Variants in FNDC3B observed in about 807,000 individuals in gnomAD.
The protein encoded by FNDC3B is fibronectin type III domain containing 3B.
A neutral mutation model predicts 151.5 loss-of-function variants in FNDC3B; 12 were observed. That is an observed-to-expected ratio of 0.08 (90% confidence interval 0.05 to 0.13). The LOEUF is 0.13. Ranked by LOEUF, FNDC3B falls within the 10% of genes least tolerant of loss-of-function variation. The pLI, the probability that FNDC3B is intolerant of heterozygous loss-of-function variation, is 1.00. For missense variants in FNDC3B, 1,214 were observed against 1,505.3 expected, an observed-to-expected ratio of 0.81 and a Z score of 3.20; for synonymous variants, 528 against 549.0, an observed-to-expected ratio of 0.96 and a Z score of 0.54.
chr3:172,363,217 A>T (rs1734449046), intron 23 of FNDC3B, among the ~76,000 whole-genome samples: 1 of 152,184 alleles, frequency 6.6e-6, no homozygotes, highest in African/African-American at 2.4e-5. Context: ...TTACCTCTTT[A>T]AATATTCAGT....
chr3:172,285,445 C>T (rs558342800), intron 6 of FNDC3B, among the ~76,000 whole-genome samples: 4 of 152,294 alleles, frequency 2.6e-5, no homozygotes, highest in Admixed American at 2.0e-4. Context: ...CCAGTGGCTG[C>T]CCGTCGAACG....
intron 1 of FNDC3B, among the ~76,000 whole-genome samples, chr3:172,107,764 A>G (rs924098665): frequency 2.6e-5 from 4 of 152,280 alleles, no homozygotes; most frequent in East Asian, 3.9e-4. Flanking sequence ...AACTGTACTC[A>G]GGGACTCCTC....
At chr3:172,051,858 A>G (rs1010908732) in intron 1 of FNDC3B, among the ~76,000 whole-genome samples, 1 of 152,172 alleles carries the variant, frequency 6.6e-6, no homozygotes, top group African/African-American at 2.4e-5. Flanking sequence ...AGAATACATG[A>G]CTTTTTTCAT....
chr3:172,081,123 C>T (rs565851067), intron 1 of FNDC3B, among the ~76,000 whole-genome samples: 1 of 152,312 alleles, frequency 6.6e-6, no homozygotes, highest in East Asian at 1.9e-4. Context: ...TATCCCAGTA[C>T]TCTCTTCAGG....
At position 172,195,386 on chromosome 3, in the gene FNDC3B, C is replaced by T. The variant is rs376914959; in HGVS notation, c.188-31485C>T. On this transcript the variant is annotated intron_variant, in intron 3 of 25. Transcript: ENST00000415807. ...AACATTTTATTTTAAACAAATGGTA[C>T]ACTATGTAGCATTTTTTAAAATGCA... 2.0e-5 allele frequency among the ~76,000 whole-genome samples: 3 copies of T among 152,282 alleles called. No homozygotes were observed. The East Asian group carries it at 5.8e-4, about 29-fold the overall frequency.
intron 23 of FNDC3B, among the ~76,000 whole-genome samples, chr3:172,365,931 A>G (rs1365266767): frequency 6.6e-6 from 1 of 152,240 alleles, no homozygotes; most frequent in Non-Finnish European, 1.5e-5. Context: ...AATTCATTAA[A>G]TAAAGGGGTT....
chr3:172,333,607 G>A (rs1732800755), intron 14 of FNDC3B, among the ~76,000 whole-genome samples: 1 of 149,462 alleles, frequency 6.7e-6, no homozygotes, highest in South Asian at 2.1e-4. Context: ...GCCTCCCAAA[G>A]TGCTGTGATT....
At chr3:172,376,926 A>T (rs1289792138) in intron 23 of FNDC3B, among the ~76,000 whole-genome samples, 1 of 152,100 alleles carries the variant, frequency 6.6e-6, no homozygotes, top group African/African-American at 2.4e-5. Flanking sequence ...TCATTTTTCC[A>T]TCCATTCATC....
chr3:172,213,497 A>G (rs1355635419), intron 3 of FNDC3B, among the ~76,000 whole-genome samples: 1 of 152,234 alleles, frequency 6.6e-6, no homozygotes, highest in African/African-American at 2.4e-5. Flanking sequence ...GATGTCTGGA[A>G]AAGGGAGGAG....
At chr3:172,115,296 T>TGAAG (rs1420381564) in intron 2 of FNDC3B, among the ~76,000 whole-genome samples, 2 of 151,138 alleles carry the variant, frequency 1.3e-5, no homozygotes, top group African/African-American at 4.9e-5. Flanking sequence ...GAAGACAGAG[T>TGAAG]GAAGGAGAAG....
intron 25 of FNDC3B, among the ~76,000 whole-genome samples, chr3:172,394,212 A>C (rs941847262): frequency 6.6e-6 from 1 of 151,626 alleles, no homozygotes; most frequent in African/African-American, 2.4e-5. Flanking sequence ...GAGAGATCCC[A>C]ACGTAACATT....
In FNDC3B at chr3:172,040,640, C is replaced by T. The variant is rs1373673453; in HGVS notation, c.-29+869C>T. On this transcript the variant is annotated intron_variant, in intron 1 of 25. Coordinates refer to ENST00000415807, the MANE Select transcript of FNDC3B (RefSeq NM_022763.4). This position sits in a 1 kb window ranked among gnomAD's most constrained non-coding sequence, Gnocchi z 6.6. ...CGGAGCTCCGGTCAGTCGGTCACCC[C>T]GAGGGGCGCCTCGGCCGGGGATAGG... 4.0e-5 allele frequency: 6 copies of T among 151,676 alleles called. No individual in the cohort carries two copies. In the East Asian group the frequency reaches 9.9e-4, roughly 25 times the overall value. 9.4% of individuals were successfully genotyped at this position (151,676 alleles called of 1,614,324 possible). A position where few individuals can be genotyped will look rare whatever the true frequency, so the allele number is the denominator to read the frequency against.
intron 15 of FNDC3B, among the ~76,000 whole-genome samples, chr3:172,336,917 A>AC (rs1317544958): frequency 2.6e-5 from 4 of 152,108 alleles, no homozygotes; most frequent in Non-Finnish European, 4.4e-5. Context: ...GGAAAAAAAA[A>AC]AAAAACAAAA....
chr3:172,124,008 G>A (rs1434766993), intron 2 of FNDC3B, among the ~76,000 whole-genome samples: 2 of 152,014 alleles, frequency 1.3e-5, no homozygotes, highest in African/African-American at 4.8e-5. Flanking sequence ...TACTTCCCAC[G>A]GTCTCTTGCT....
At position 172,400,545 on chromosome 3, in the gene FNDC3B, A is replaced by G. The variant is rs1000168297; in HGVS notation, c.*3070A>G. 3 of 152,588 alleles carry G rather than the reference A, an allele frequency of 2.0e-5. No individual in the cohort carries two copies. Among genetic ancestry groups the G allele is most frequent in the African/African-American group, 7.2e-5 (3 of 41,434 alleles). 9.5% of individuals were successfully genotyped at this position (152,588 alleles called of 1,614,324 possible). On this transcript the variant is annotated 3_prime_UTR_variant, in exon 26 of 26. Transcript: ENST00000415807. ...GAAAATCATGTTTTCCTGTATTGTA[A>G]ATTTTAGACTATTTCATATACATTG...
chr3:172,087,564 T>C (rs1308487282), intron 1 of FNDC3B, among the ~76,000 whole-genome samples: 1 of 152,200 alleles, frequency 6.6e-6, no homozygotes, highest in East Asian at 1.9e-4. Context: ...CTGCCATTAA[T>C]CAGTGGTGTG....
intron 13 of FNDC3B, among the ~76,000 whole-genome samples, chr3:172,331,508 C>A (rs545789323): frequency 6.6e-6 from 1 of 152,108 alleles, no homozygotes; most frequent in African/African-American, 2.4e-5. Flanking sequence ...CAGGCGCCCG[C>A]CACCACACCC....
intron 3 of FNDC3B, among the ~76,000 whole-genome samples, chr3:172,153,714 C>T (rs566137856): frequency 2.6e-4 from 40 of 152,084 alleles, no homozygotes; most frequent in Non-Finnish European, 4.7e-4. Flanking sequence ...TTTGTTTGGC[C>T]CTAGGAAGGA....
chr3:172,248,259 A>G (rs763608394), intron 5 of FNDC3B, among the ~76,000 whole-genome samples: 18 of 152,298 alleles, frequency 1.2e-4, no homozygotes, highest in Middle Eastern at 3.4e-3. Flanking sequence ...AAAAGGCTCT[A>G]TGTTGTGATG....
Sources: gnomAD v4.1 joint callset for allele counts (sites outside exome capture counted in the v4.1 genomes callset) on GRCh38, gnomAD v4.1.1 for gene constraint, Gnocchi (gnomAD v3.1) non-coding constraint, MANE v1.5 for transcripts, NCBI Gene and HGNC (gene_info 2026-07-23, HGNC 2026-07-21) for gene names.